Variants in MCTP2 observed in about 807,000 individuals in gnomAD.
The protein encoded by MCTP2 is multiple C2 and transmembrane domain containing 2, also known as multiple C2 and transmembrane domain-containing protein 2.
In MCTP2, 132 loss-of-function variants were observed where a neutral mutation model predicts 111.6. The ratio of observed to expected loss-of-function variants is 1.18; its 90% confidence interval spans 1.03 to 1.37. The LOEUF (loss-of-function observed/expected upper bound fraction) is 1.37. Ranked by LOEUF, MCTP2 falls within the 40% of genes most tolerant of loss-of-function variation. The pLI, the probability that MCTP2 is intolerant of heterozygous loss-of-function variation, is 0.00. For missense variants in MCTP2, 1,183 were observed against 1,067.9 expected, an observed-to-expected ratio of 1.11 and a Z score of -1.50; for synonymous variants, 395 against 387.7, an observed-to-expected ratio of 1.02 and a Z score of -0.22.
intron 1 of MCTP2, among the ~76,000 whole-genome samples, chr15:94,283,079 G>A (rs112867621): frequency 6.6e-6 from 1 of 152,140 alleles, no homozygotes; most frequent in South Asian, 2.1e-4. Context: ...GGCTGTGGGT[G>A]GGTGCACACC....
At chr15:94,437,302 A>T (rs191284280) in intron 17 of MCTP2, among the ~76,000 whole-genome samples, 58 of 152,124 alleles carry the variant, frequency 3.8e-4, no homozygotes, top group African/African-American at 1.4e-3. Flanking sequence ...GCAGTCTCTT[A>T]CAGCTAATAA....
chr15:94,421,315 G>A (rs1039652745), intron 17 of MCTP2, among the ~76,000 whole-genome samples: 2 of 152,130 alleles, frequency 1.3e-5, no homozygotes, highest in African/African-American at 4.8e-5. Flanking sequence ...CTTCGTTGTG[G>A]TTGTCTGGAA....
chr15:94,399,856 A>T, intron 15 of MCTP2, 65 bp from the exon 16 acceptor site: 1 of 1,429,936 alleles, frequency 7.0e-7, no homozygotes, highest in Non-Finnish European at 9.9e-7. Flanking sequence ...CCCAGTCATT[A>T]AGAAAACTAG....
Position 94,298,676 on chromosome 15 carries a change from CAT to C in MCTP2, c.412_413del (p.Ile138LeufsTer2). 1 of 1,613,434 alleles carries C rather than the reference CAT, an allele frequency of 6.2e-7. No individual in the cohort carries two copies. Among genetic ancestry groups the C allele is most frequent in the Middle Eastern group, 1.7e-4 (1 of 6,060 alleles). On this transcript the variant is annotated frameshift_variant, in exon 2 of 23. Coordinates refer to ENST00000357742, the MANE Select transcript of MCTP2 (RefSeq NM_001385001.1). LOFTEE classifies it high-confidence loss of function. The stretch of plus-strand genomic sequence containing the variant: ...AGCGGAGACGGGTGTCCAGCAACGG[CAT>C]CTTTGATCTTCAGAAAACTTCCCTT... ...AERRRVSSNG[I>X]FDLQKTSLGG... is the part of the protein sequence containing the mutation.
chr15:94,348,585 T>G (rs1207593124), intron 8 of MCTP2, among the ~76,000 whole-genome samples: 2 of 148,158 alleles, frequency 1.3e-5, no homozygotes, highest in Non-Finnish European at 3.0e-5. Flanking sequence ...ATCTTTGGGT[T>G]GAAAAGGAGC....
intron 1 of MCTP2, among the ~76,000 whole-genome samples, chr15:94,240,832 A>C (rs968572049): frequency 1.3e-5 from 2 of 152,194 alleles, no homozygotes; most frequent in African/African-American, 4.8e-5. Flanking sequence ...CTAAGTGTTC[A>C]TGTGAGAACA....
chr15:94,280,412 AG>A (rs1037881614), intron 1 of MCTP2, among the ~76,000 whole-genome samples: 2 of 83,422 alleles, frequency 2.4e-5, no homozygotes, highest in Non-Finnish European at 4.6e-5. Context: ...ATTAGTCTCG[AG>A]GGTTTTTTTT....
rs954312732 is a variant in MCTP2 at position 94,361,611 on chromosome 15, C to T, written c.1301+2999C>T. On this transcript the variant is annotated intron_variant, in intron 10 of 22. Coordinates refer to ENST00000357742, the MANE Select transcript of MCTP2 (RefSeq NM_001385001.1). ...TTATTAATTTTGAGATTTTTCTGCA[C>T]GTAAACTGTAGGTCCTCACAACTTG... 1.4e-4 allele frequency among the ~76,000 whole-genome samples: 22 copies of T among 152,262 alleles called. No homozygotes were observed. In the East Asian group the frequency reaches 2.3e-3, roughly 16 times the overall value.
At chr15:94,353,055 TTCTA>T (rs1000055947) in intron 8 of MCTP2, among the ~76,000 whole-genome samples, 7 of 152,216 alleles carry the variant, frequency 4.6e-5, no homozygotes, top group African/African-American at 1.7e-4. Context: ...TTGTGTTCTT[TTCTA>T]TCTGTGAACT....
chr15:94,399,903 C>A lies in MCTP2; in HGVS notation c.1891-18C>A, dbSNP rs2081476053. ...CCCTATACATGCTGCCCTTTTTTAA[C>A]AAGGATGTCTTTTCTAGGTGAAAGC... On this transcript the variant is annotated intron_variant, in intron 15 of 22. Transcript: ENST00000357742. 1.9e-6 allele frequency: 3 copies of A among 1,611,508 alleles called. No homozygotes were observed. The highest frequency in any genetic ancestry group is 1.7e-6 in the Non-Finnish European group (2 of 1,177,882).
intron 1 of MCTP2, among the ~76,000 whole-genome samples, chr15:94,252,879 AT>A (rs2152270113): frequency 6.6e-6 from 1 of 152,294 alleles, no homozygotes; most frequent in African/African-American, 2.4e-5. Flanking sequence ...TTATTTATAA[AT>A]TTGATTAAAA....
At position 94,378,108 on chromosome 15, in the gene MCTP2, C is replaced by A. The variant is rs1036319002; in HGVS notation, c.1583-5914C>A. ...ATAAACTAACAAAAGTTTATTCTGG[C>A]AGCTGTGAGGAGCAAGGATTTTGAG... On this transcript the variant is annotated intron_variant, in intron 12 of 22. Coordinates refer to ENST00000357742, the MANE Select transcript of MCTP2 (RefSeq NM_001385001.1). Among the ~76,000 whole-genome samples, 11 of 152,144 alleles carry A rather than the reference C, an allele frequency of 7.2e-5. No individual in the cohort carries two copies. The East Asian group carries it at 2.1e-3, about 29-fold the overall frequency.
intron 8 of MCTP2, among the ~76,000 whole-genome samples, chr15:94,349,186 A>G (rs1252826883): frequency 6.6e-6 from 1 of 152,142 alleles, no homozygotes; most frequent in Non-Finnish European, 1.5e-5. Context: ...AATGACTTCT[A>G]GAGGCTTTCC....
At chr15:94,350,375 G>A (rs570837231) in intron 8 of MCTP2, among the ~76,000 whole-genome samples, 8 of 152,292 alleles carry the variant, frequency 5.3e-5, no homozygotes, top group Admixed American at 1.3e-4. Context: ...ATCACTTGAG[G>A]TCAGGAGTTC....
At chr15:94,338,035 G>A (rs2077451811) in intron 4 of MCTP2, among the ~76,000 whole-genome samples, 1 of 152,174 alleles carries the variant, frequency 6.6e-6, no homozygotes. Context: ...GTAAAAGATT[G>A]AAGTAATGCA....
rs371431358 is a variant in MCTP2, at chr15:94,368,703, T to G, written c.1488+912T>G. On this transcript the variant is annotated intron_variant, in intron 11 of 22. Transcript: ENST00000357742. ...TACTGTGAAGAAGGTTTGACACAACTATTAACATTCTCTCTGATTAGGTAA... is the reference window on the plus strand; with the variant it reads ...TACTGTGAAGAAGGTTTGACACAACGATTAACATTCTCTCTGATTAGGTAA... Among the ~76,000 whole-genome samples, 23 of 152,352 alleles carry G rather than the reference T, an allele frequency of 1.5e-4. No homozygotes were observed. In the East Asian group the frequency reaches 4.2e-3, roughly 28 times the overall value.
At chr15:94,357,436 A>C (rs1430380577) in intron 9 of MCTP2, among the ~76,000 whole-genome samples, 1 of 152,194 alleles carries the variant, frequency 6.6e-6, no homozygotes, top group Non-Finnish European at 1.5e-5. Context: ...ATTCATCACT[A>C]AGCACACTTA....
intron 17 of MCTP2, among the ~76,000 whole-genome samples, chr15:94,417,764 C>T (rs551053695): frequency 1.9e-4 from 29 of 152,150 alleles, no homozygotes; most frequent in East Asian, 9.7e-4. Context: ...ATCTGAGTAA[C>T]GGGAGACCAT....
intron 17 of MCTP2, among the ~76,000 whole-genome samples, chr15:94,427,450 G>A (rs759064676): frequency 1.3e-4 from 20 of 152,118 alleles, no homozygotes; most frequent in Non-Finnish European, 2.1e-4. Flanking sequence ...GGAAGGTGAA[G>A]GGGAAGCACC....
Sources: allele counts gnomAD v4.1 joint callset (sites outside exome capture counted in the v4.1 genomes callset), GRCh38; gene constraint gnomAD v4.1.1; transcripts MANE v1.5; gene names NCBI Gene and HGNC (gene_info 2026-07-23, HGNC 2026-07-21).